Variants in TAFA1 observed in about 807,000 individuals in gnomAD.
The protein encoded by TAFA1 is chemokine-like protein TAFA-1.
Under a neutral mutation model 18.5 loss-of-function variants are expected in TAFA1, and 4 were observed. The ratio of observed to expected loss-of-function variants is 0.22; its 90% confidence interval spans 0.11 to 0.49. The LOEUF (loss-of-function observed/expected upper bound fraction) is 0.49, where lower values mean the gene tolerates loss of function less well. TAFA1 is among the 20% of genes least tolerant of loss of function. TAFA1 has a pLI of 0.98. For missense variants in TAFA1, 147 were observed against 169.0 expected (o/e 0.87, Z 0.72); for synonymous variants, 56 against 55.2 (o/e 1.01, Z -0.06).
chr3:68,174,457 A>G (rs1479120345), intron 2 of TAFA1, among the ~76,000 whole-genome samples: 2 of 152,156 alleles, frequency 1.3e-5, no homozygotes, highest in Non-Finnish European at 2.9e-5. Context: ...GACATGAACA[A>G]TAAGGTCCAG....
At chr3:68,338,709 A>G (rs1008209084) in intron 2 of TAFA1, among the ~76,000 whole-genome samples, 3 of 152,232 alleles carry the variant, frequency 2.0e-5, no homozygotes, top group African/African-American at 7.2e-5. Flanking sequence ...ATAAACTATC[A>G]TGAAGAAAGT....
At chr3:68,070,480 A>G (rs1350137145) in intron 2 of TAFA1, among the ~76,000 whole-genome samples, 1 of 152,160 alleles carries the variant, frequency 6.6e-6, no homozygotes, top group East Asian at 1.9e-4. Context: ...CTGTGATGGG[A>G]CGGGCTGCCA....
chr3:68,190,150 T>G (rs1309250890), intron 2 of TAFA1, among the ~76,000 whole-genome samples: 1 of 151,912 alleles, frequency 6.6e-6, no homozygotes, highest in Non-Finnish European at 1.5e-5. Context: ...ATTCTAACAT[T>G]TTGTCATTCT....
chr3:68,377,637 T>C (rs1456449172), intron 2 of TAFA1, among the ~76,000 whole-genome samples: 1 of 152,162 alleles, frequency 6.6e-6, no homozygotes, highest in Non-Finnish European at 1.5e-5. Context: ...ATTTAATTGT[T>C]AATCGCCAAC....
At chr3:68,085,765 G>T (rs150836246) in intron 2 of TAFA1, among the ~76,000 whole-genome samples, 1 of 152,180 alleles carries the variant, frequency 6.6e-6, no homozygotes, top group East Asian at 1.9e-4. Flanking sequence ...GTAGGGAAAG[G>T]ATATTCTTTA....
chr3:68,112,115 T>C (rs1309595948), intron 2 of TAFA1, among the ~76,000 whole-genome samples: 1 of 151,576 alleles, frequency 6.6e-6, no homozygotes, highest in Non-Finnish European at 1.5e-5. Flanking sequence ...GCTATACTCA[T>C]ATAGAGAAGA....
chr3:68,101,799 A>C (rs1391592147), intron 2 of TAFA1, among the ~76,000 whole-genome samples: 2 of 152,050 alleles, frequency 1.3e-5, no homozygotes, highest in African/African-American at 4.8e-5. Context: ...CTCTCCAAAA[A>C]CTGGCAAATT....
chr3:68,323,600 CA>C (rs1192067262), intron 2 of TAFA1, among the ~76,000 whole-genome samples: 9 of 152,064 alleles, frequency 5.9e-5, no homozygotes, highest in African/African-American at 2.2e-4. Flanking sequence ...CTAAAATGTG[CA>C]TGGTAGTTTT....
intron 2 of TAFA1, among the ~76,000 whole-genome samples, chr3:68,364,334 G>C (rs262223): frequency 0.6 from 91,163 of 152,022 alleles, 28,221 homozygotes; most frequent in East Asian, 1. Context: ...TTGGTGATTC[G>C]TCACAGGAAA....
chr3:68,223,516 A>C (rs1659182583), intron 2 of TAFA1, among the ~76,000 whole-genome samples: 1 of 141,444 alleles, frequency 7.1e-6, no homozygotes, highest in Admixed American at 7.7e-5. Flanking sequence ...CTGTATGTAC[A>C]TAAGCCTGTT....
intron 2 of TAFA1, among the ~76,000 whole-genome samples, chr3:68,348,366 T>A (rs1309291899): frequency 6.6e-6 from 1 of 152,162 alleles, no homozygotes; most frequent in Non-Finnish European, 1.5e-5. Flanking sequence ...GCTTCATAAA[T>A]TCCAAGCCAG....
intron 3 of TAFA1, among the ~76,000 whole-genome samples, chr3:68,521,068 A>G (rs74701165): frequency 0.021 from 3,243 of 152,298 alleles, 117 homozygotes; most frequent in African/African-American, 0.073. Context: ...GGTTTTTGAC[A>G]TAAGTGCCAG....
intron 3 of TAFA1, among the ~76,000 whole-genome samples, chr3:68,537,623 A>C (rs1015736095): frequency 4.6e-5 from 7 of 152,182 alleles, no homozygotes; most frequent in Non-Finnish European, 8.8e-5. Flanking sequence ...TGGTTGTATC[A>C]GTGCAGATTT....
At position 68,120,604 on chromosome 3, in the gene TAFA1, T is replaced by C. The variant is rs534956992; in HGVS notation, c.118+113860T>C. ...TGTAGTGAGAGGGTTACAGAGATGATACAGCCTCATCTTACCTGTGGTGAG... is the reference window on the plus strand; with the variant it reads ...TGTAGTGAGAGGGTTACAGAGATGACACAGCCTCATCTTACCTGTGGTGAG... On this transcript the variant is annotated intron_variant, in intron 2 of 4. Transcript: ENST00000478136. Among the ~76,000 whole-genome samples the C allele has an allele frequency of 2.6e-5, 4 of 152,312 alleles. No homozygotes were observed. In the East Asian group the frequency reaches 7.7e-4, roughly 29 times the overall value.
chr3:68,370,478 A>G (rs563231103), intron 2 of TAFA1, among the ~76,000 whole-genome samples: 204 of 22,010 alleles, frequency 9.3e-3, no homozygotes, highest in African/African-American at 0.03. Flanking sequence ...GTGTGTATAT[A>G]TATATATATA....
At chr3:68,168,158 A>AAAAAG (rs66504114) in intron 2 of TAFA1, among the ~76,000 whole-genome samples, 2 of 151,578 alleles carry the variant, frequency 1.3e-5, no homozygotes. Context: ...AAAAAAAAAA[A>AAAAAG]AAGAAGGCTT....
At chr3:68,300,846 G>T (rs1282912039) in intron 2 of TAFA1, among the ~76,000 whole-genome samples, 2 of 152,194 alleles carry the variant, frequency 1.3e-5, no homozygotes, top group African/African-American at 4.8e-5. Flanking sequence ...CTGCCACCTT[G>T]TGAAAAAGGT....
intron 2 of TAFA1, among the ~76,000 whole-genome samples, chr3:68,363,651 A>G (rs1390097365): frequency 6.6e-6 from 1 of 152,132 alleles, no homozygotes; most frequent in Non-Finnish European, 1.5e-5. Context: ...AATAAGAAAA[A>G]CTTTTGCAAT....
intron 3 of TAFA1, among the ~76,000 whole-genome samples, chr3:68,449,396 C>T (rs2071530740): frequency 6.6e-6 from 1 of 152,052 alleles, no homozygotes; most frequent in African/African-American, 2.4e-5. Context: ...GTCCTAGCTG[C>T]TTTGTTAGAG....
Sources: allele counts gnomAD v4.1 joint callset (sites outside exome capture counted in the v4.1 genomes callset), GRCh38; gene constraint gnomAD v4.1.1; transcripts MANE v1.5; gene names NCBI Gene and HGNC (gene_info 2026-07-23, HGNC 2026-07-21).